DOCK1: variants seen among roughly 807,000 people sequenced by gnomAD.
DOCK1 encodes the protein dedicator of cytokinesis 1.
Under a neutral mutation model 262.7 loss-of-function variants are expected in DOCK1, and 138 were observed. That is an observed-to-expected ratio of 0.53 (90% CI 0.46 to 0.61). The LOEUF (loss-of-function observed/expected upper bound fraction) is 0.61. Ranked by LOEUF, DOCK1 falls within the 20% of genes least tolerant of loss-of-function variation. The pLI, the probability that DOCK1 is intolerant of heterozygous loss-of-function variation, is 0.00. For synonymous variants in DOCK1, 866 were observed against 867.4 expected (o/e 1.00, Z 0.03); for missense variants, 1,908 against 2,370.7 (o/e 0.80, Z 4.05).
chr10:127,104,361 G>A (rs576391974), intron 23 of DOCK1, among the ~76,000 whole-genome samples: 269 of 152,196 alleles, frequency 1.8e-3, no homozygotes, highest in African/African-American at 6.1e-3. Context: ...AAACTCACAC[G>A]TATTTTCTTC....
At chr10:127,433,193 C>G (rs1308020758) in intron 47 of DOCK1, 90 bp from the exon 48 acceptor site, 1 of 1,544,846 alleles carries the variant, frequency 6.5e-7, no homozygotes, top group African/African-American at 1.4e-5. Flanking sequence ...GTCTCGATTC[C>G]ACACAGCTAA....
At chr10:127,193,184 G>T (rs192299413) in intron 27 of DOCK1, among the ~76,000 whole-genome samples, 37 of 152,302 alleles carry the variant, frequency 2.4e-4, no homozygotes, top group Non-Finnish European at 4.1e-4. Context: ...TCTCCAACCA[G>T]TGGAATCATG....
Position 126,957,052 on chromosome 10 carries a change from G to A in DOCK1, c.47-13650G>A, listed in dbSNP as rs932623128. ...GGCTGCACCCGACGGGGGAAAGCGG[G>A]GAAGGGGTCTCTGCAAGGGGGTCCT... On this transcript the variant is annotated intron_variant, in intron 1 of 51. Coordinates refer to ENST00000623213, the MANE Select transcript of DOCK1 (RefSeq NM_001290223.2). 3.0e-4 allele frequency among the ~76,000 whole-genome samples: 46 copies of A among 152,308 alleles called. No homozygotes were observed. In the East Asian group the frequency reaches 6.8e-3, roughly 22 times the overall value.
intron 27 of DOCK1, among the ~76,000 whole-genome samples, chr10:127,139,428 G>C (rs1279293081): frequency 6.6e-6 from 1 of 152,054 alleles, no homozygotes; most frequent in East Asian, 1.9e-4. Context: ...TTTATGGCTA[G>C]TGACCTCCTG....
rs534099906 is a variant in DOCK1, at chr10:127,146,570, GTGTA to G, written c.2847+18811_2847+18814del. Among the ~76,000 whole-genome samples, 1,002 of 152,210 alleles carry G rather than the reference GTGTA, an allele frequency of 6.6e-3. 4 individuals carry two copies. Among genetic ancestry groups the G allele is most frequent in the Admixed American group, 0.011 (175 of 15,292 alleles). On this transcript the variant is annotated intron_variant, in intron 27 of 51. Transcript: ENST00000623213. ...TATTTCCTTACCCCAGAATAACATT[GTGTA>G]TGTAAGGTGTTATCCAGGGATTCCT...
intron 33 of DOCK1, among the ~76,000 whole-genome samples, chr10:127,368,339 G>C (rs926535865): frequency 7.9e-5 from 12 of 152,090 alleles, no homozygotes; most frequent in Admixed American, 7.9e-4. Context: ...AATCTTTTAT[G>C]ATCCGGATGC....
chr10:127,298,059 AAAT>A (rs1393899665), intron 29 of DOCK1, among the ~76,000 whole-genome samples: 1 of 152,202 alleles, frequency 6.6e-6, no homozygotes, highest in African/African-American at 2.4e-5. Flanking sequence ...TCTGTAGGGA[AAAT>A]AATCCATTAA....
intron 29 of DOCK1, among the ~76,000 whole-genome samples, chr10:127,319,435 C>T (rs980685608): frequency 1.3e-5 from 2 of 152,118 alleles, no homozygotes; most frequent in Non-Finnish European, 2.9e-5. Context: ...GTTCGGCGGG[C>T]GGGAGCTTCC....
At chr10:127,040,841 G>C (rs1273398628) in intron 19 of DOCK1, among the ~76,000 whole-genome samples, 2 of 152,094 alleles carry the variant, frequency 1.3e-5, no homozygotes, top group African/African-American at 4.8e-5. Context: ...TCTTCATGGA[G>C]TTGTACAACT....
At chr10:127,135,318 C>T (rs548009915) in intron 27 of DOCK1, 9 of 152,280 alleles carry the variant, frequency 5.9e-5, no homozygotes, top group East Asian at 5.8e-4. Flanking sequence ...TTCTGCAGAC[C>T]GGATGAAATG....
chr10:127,234,115 TA>T (rs1180914256), intron 27 of DOCK1, among the ~76,000 whole-genome samples: 1 of 152,146 alleles, frequency 6.6e-6, no homozygotes, highest in Non-Finnish European at 1.5e-5. Context: ...GCGTGCCCAT[TA>T]AAATCACTTA....
At position 127,342,737 on chromosome 10, in the gene DOCK1, AC is replaced by A. The variant is rs148760578; in HGVS notation, c.3124-907del. On this transcript the variant is annotated intron_variant, in intron 30 of 51. Transcript: ENST00000623213. ...CTGGTTTGTAAATGAGAAAACTGAG[AC>A]CTACAACTTTCTTCTTCTAAAGGCC... Among the ~76,000 whole-genome samples, 699 of 152,272 alleles carry A rather than the reference AC, an allele frequency of 4.6e-3. 7 individuals are homozygous for A. The highest frequency in any genetic ancestry group is 0.016 in the African/African-American group (657 of 41,564).
rs552233262 is a variant in DOCK1, at chr10:127,333,579, G to A, written c.3045-5427G>A. Among the ~76,000 whole-genome samples, 2 of 152,256 alleles carry A rather than the reference G, an allele frequency of 1.3e-5. 1 individual carries two copies. Among genetic ancestry groups the A allele is most frequent in the Admixed American group, 1.3e-4 (2 of 15,298 alleles). ...ATGGCTTTCCAAATAGGCAGCTTTG[G>A]GGGATGATCTCCCTCTGGAGCCCAC... On this transcript the variant is annotated intron_variant, in intron 29 of 51. Coordinates refer to ENST00000623213, the MANE Select transcript of DOCK1 (RefSeq NM_001290223.2).
intron 35 of DOCK1, among the ~76,000 whole-genome samples, chr10:127,377,784 C>T (rs999677807): frequency 1.7e-4 from 26 of 148,750 alleles, no homozygotes; most frequent in Admixed American, 4.1e-4. Flanking sequence ...CCCAGGTACT[C>T]GGGAGGCTGA....
intron 27 of DOCK1, among the ~76,000 whole-genome samples, chr10:127,133,557 A>G (rs1440317782): frequency 6.6e-6 from 1 of 152,266 alleles, no homozygotes; most frequent in Non-Finnish European, 1.5e-5. Context: ...CAGCAATTTT[A>G]GGTTTGTTTT....
At chr10:127,276,288 T>G (rs1564958155) in intron 29 of DOCK1, among the ~76,000 whole-genome samples, 1 of 152,154 alleles carries the variant, frequency 6.6e-6, no homozygotes, top group Non-Finnish European at 1.5e-5. Flanking sequence ...GCACCATTCT[T>G]AAAGCTTTCC....
intron 29 of DOCK1, among the ~76,000 whole-genome samples, chr10:127,273,200 A>C (rs1257407639): frequency 6.6e-6 from 1 of 152,242 alleles, no homozygotes; most frequent in Admixed American, 6.5e-5. Context: ...GAATTCTGCA[A>C]CTGAGATGCA....
chr10:127,341,007 C>T (rs2063401394), intron 30 of DOCK1, among the ~76,000 whole-genome samples: 1 of 152,160 alleles, frequency 6.6e-6, no homozygotes, highest in Non-Finnish European at 1.5e-5. Context: ...TTTTACTTGG[C>T]AAATCTCTCC....
At chr10:127,357,151 C>G (rs1024730642) in intron 32 of DOCK1, among the ~76,000 whole-genome samples, 2 of 152,196 alleles carry the variant, frequency 1.3e-5, no homozygotes, top group African/African-American at 4.8e-5. Flanking sequence ...CATTGCCTAG[C>G]ACCAAGGGAG....
Sources: gnomAD v4.1 joint callset for allele counts (sites outside exome capture counted in the v4.1 genomes callset) on GRCh38, gnomAD v4.1.1 for gene constraint, MANE v1.5 for transcripts, NCBI Gene and HGNC (gene_info 2026-07-23, HGNC 2026-07-21) for gene names.